The following PRUNE2 variants were observed in gnomAD, a reference collection of about 807,000 sequenced individuals.
The protein encoded by PRUNE2 is prune homolog 2 with BCH domain.
In PRUNE2, 164 loss-of-function variants were observed where a neutral mutation model predicts 252.0. The observed-to-expected ratio is 0.65, with a 90% CI of 0.57 to 0.74. The LOEUF is 0.74. PRUNE2 is among the 30% of genes least tolerant of loss of function. The pLI is 0.00. For synonymous variants in PRUNE2, 1,292 were observed against 1,350.2 expected, an observed-to-expected ratio of 0.96 and a Z score of 0.94; for missense variants, 3,495 against 3,711.0, an observed-to-expected ratio of 0.94 and a Z score of 1.51.
chr9:76,657,871 T>C (rs1849816193), intron 9 of PRUNE2, among the ~76,000 whole-genome samples: 1 of 152,186 alleles, frequency 6.6e-6, no homozygotes, highest in Non-Finnish European at 1.5e-5. Flanking sequence ...AGCCTAGAAA[T>C]GCTCCTCAAC....
chr9:76,709,163 A>G lies in PRUNE2; in HGVS notation c.3111T>C (p.His1037=). Residue 1037 remains histidine, a synonymous_variant, in exon 8 of 19, where the codon CAT becomes CAC. Coordinates refer to ENST00000376718, the MANE Select transcript of PRUNE2 (RefSeq NM_015225.3). ...TATTTATTTCAGAACTGTTATCTGT[A>G]TGAGGTGAAGCCCACATGTCTAGGT... ...PGNLDMWASP[H]TDNSSEINTT... 6.2e-7 allele frequency: 1 copy of G among 1,613,944 alleles called. No individual in the cohort carries two copies. The highest frequency in any genetic ancestry group is 8.5e-7 in the Non-Finnish European group (1 of 1,179,872).
At chr9:76,649,933 G>A (rs1276831095) in intron 11 of PRUNE2, among the ~76,000 whole-genome samples, 4 of 75,160 alleles carry the variant, frequency 5.3e-5, no homozygotes, top group South Asian at 5.7e-4. Flanking sequence ...GTAGAGTAAC[G>A]CTTACTTTTT....
At chr9:76,824,040 G>C (rs907941352) in intron 5 of PRUNE2, among the ~76,000 whole-genome samples, 1 of 152,150 alleles carries the variant, frequency 6.6e-6, no homozygotes, top group East Asian at 1.9e-4. Context: ...GACTAGCAAA[G>C]GGACCCAGAA....
intron 1 of PRUNE2, among the ~76,000 whole-genome samples, chr9:76,875,968 TGGGGCC>T (rs1266243760): frequency 7.2e-5 from 11 of 152,000 alleles, no homozygotes; most frequent in Non-Finnish European, 1.6e-4. Flanking sequence ...AGATCTGGAG[TGGGGCC>T]CAGTTATCTG....
chr9:76,854,189 T>C lies in PRUNE2; in HGVS notation c.56A>G (p.Glu19Gly). Reference protein sequence around the residue: ...KSKLNRSKRLEKVHVVIGPKS... With the variant: ...KSKLNRSKRLGKVHVVIGPKS... ...AGGCCCAATAACCACATGGACCTTC[T>C]CCAAGCGTTTGCTTCGATTCTGAAA... is the stretch of plus-strand genomic sequence containing the variant. The change falls in exon 2 of 19, where the codon GAG (glutamate) becomes GGG (glycine). Residue 19 changes from glutamate (E) to glycine (G), a missense_variant. Physicochemically the swap from Glu to Gly is moderately conservative, Grantham distance 98 (BLOSUM62 -2). Coordinates refer to ENST00000376718, the MANE Select transcript of PRUNE2 (RefSeq NM_015225.3). 1 of 1,593,768 alleles carries C rather than the reference T, an allele frequency of 6.3e-7. No individual in the cohort carries two copies. The highest frequency in any genetic ancestry group is 8.6e-7 in the Non-Finnish European group (1 of 1,167,402).
chr9:76,705,295 C>T lies in PRUNE2; in HGVS notation c.6979G>A (p.Gly2327Ser), dbSNP rs2046232489. The T allele has an allele frequency of 6.2e-7, 1 of 1,613,922 alleles. No homozygotes were observed. Among genetic ancestry groups the T allele is most frequent in the African/African-American group, 1.3e-5 (1 of 74,930 alleles). ...CCATCAACTGGCGTTTCCGGATGGCCTTCGGATAATGTCAGTTTACTCATG... is the reference window on the plus strand; with the variant it reads ...CCATCAACTGGCGTTTCCGGATGGCTTTCGGATAATGTCAGTTTACTCATG... ...DDMSKLTLSE[G>S]HPETPVDGDL... is the part of the protein sequence containing the mutation. Residue 2327 changes from glycine to serine, a missense_variant, in exon 8 of 19, where the codon GGC becomes AGC. By Grantham distance (56) the Gly-to-Ser change is moderately conservative. Transcript: ENST00000376718.
chr9:76,898,761 C>A (rs2062994298), intron 1 of PRUNE2, among the ~76,000 whole-genome samples: 1 of 152,112 alleles, frequency 6.6e-6, no homozygotes, highest in Non-Finnish European at 1.5e-5. Flanking sequence ...TTCTGGGAAG[C>A]CAAAGCAAGA....
rs2046264808 is a variant in PRUNE2 at position 76,705,735 on chromosome 9, G to A, written c.6539C>T (p.Ser2180Phe). The A allele has an allele frequency of 6.2e-7, 1 of 1,613,950 alleles. No individual in the cohort carries two copies. Among genetic ancestry groups the A allele is most frequent in the Non-Finnish European group, 8.5e-7 (1 of 1,179,852 alleles). ...PIGYQADIKG[S>F]SQPASHKGSP... is the part of the protein sequence containing the mutation. The stretch of plus-strand genomic sequence containing the variant: ...ACCTTTATGAGAGGCGGGCTGAGAG[G>A]AGCCCTTTATGTCTGCTTGATAGCC... Residue 2180 changes from serine to phenylalanine, a missense_variant, in exon 8 of 19, where the codon TCC becomes TTC. Physicochemically the swap from Ser to Phe is radical, Grantham distance 155 (BLOSUM62 -2). Transcript: ENST00000376718.
intron 6 of PRUNE2, among the ~76,000 whole-genome samples, chr9:76,802,915 A>ATGT (rs2056661244): frequency 6.6e-6 from 1 of 152,124 alleles, no homozygotes; most frequent in Admixed American, 6.5e-5. Flanking sequence ...TGACATCGAC[A>ATGT]CACTTTGTTG....
chr9:76,804,940 G>C (rs2056828983), intron 6 of PRUNE2, among the ~76,000 whole-genome samples: 1 of 152,062 alleles, frequency 6.6e-6, no homozygotes, highest in African/African-American at 2.4e-5. Flanking sequence ...TAATAAAATG[G>C]GCTGGATACA....
intron 4 of PRUNE2, among the ~76,000 whole-genome samples, chr9:76,837,455 A>ATAATAAT (rs1554798779): frequency 4.8e-5 from 3 of 62,502 alleles, no homozygotes; most frequent in African/African-American, 1.1e-4. Flanking sequence ...AATAATAATA[A>ATAATAAT]TAATAATAAT....
At chr9:76,625,756 T>C (rs1834408104) in intron 16 of PRUNE2, among the ~76,000 whole-genome samples, 1 of 152,190 alleles carries the variant, frequency 6.6e-6, no homozygotes, top group South Asian at 2.1e-4. Context: ...CCTGGCAATG[T>C]GTGAGGCTCT....
chr9:76,782,501 A>G (rs2054522636), intron 6 of PRUNE2, among the ~76,000 whole-genome samples: 1 of 152,232 alleles, frequency 6.6e-6, no homozygotes, highest in Non-Finnish European at 1.5e-5. Context: ...CAACTACAGC[A>G]TCTTCTTTAC....
At chr9:76,850,736 C>T in intron 2 of PRUNE2, 71 bp from the exon 3 acceptor site, 2 of 1,176,472 alleles carry the variant, frequency 1.7e-6, no homozygotes, top group Non-Finnish European at 1.3e-6. Flanking sequence ...TTTTCTCCAG[C>T]CTGGGGGTAA....
At position 76,839,408 on chromosome 9, in the gene PRUNE2, T is replaced by C. The variant is rs964104370; in HGVS notation, c.508+7107A>G. The stretch of plus-strand genomic sequence containing the variant: ...GGCAGAAAGAGAGATGACGAGATAC[T>C]ATAGATGAAACAAGCATTCCAGAAG... On this transcript the variant is annotated intron_variant, in intron 4 of 18. Coordinates refer to ENST00000376718, the MANE Select transcript of PRUNE2 (RefSeq NM_015225.3). Among the ~76,000 whole-genome samples the C allele has an allele frequency of 4.6e-5, 7 of 152,302 alleles. No homozygotes were observed. The East Asian group carries it at 9.6e-4, about 21-fold the overall frequency.
intron 6 of PRUNE2, among the ~76,000 whole-genome samples, chr9:76,776,037 T>A (rs1047473699): frequency 5.9e-5 from 9 of 152,232 alleles, no homozygotes; most frequent in Admixed American, 5.9e-4. Context: ...CTTCTAAGCA[T>A]CCCTTCTTTA....
intron 1 of PRUNE2, among the ~76,000 whole-genome samples, chr9:76,902,243 C>T (rs1346184800): frequency 6.6e-6 from 1 of 152,182 alleles, no homozygotes; most frequent in African/African-American, 2.4e-5. Flanking sequence ...GAGCTGACCA[C>T]TATGAAGTTG....
intron 4 of PRUNE2, among the ~76,000 whole-genome samples, chr9:76,833,190 A>G (rs1336950690): frequency 6.6e-6 from 1 of 152,220 alleles, no homozygotes; most frequent in Non-Finnish European, 1.5e-5. Flanking sequence ...AACTAATACT[A>G]GTTTTTAAAA....
At chr9:76,771,529 A>G (rs615037) in intron 6 of PRUNE2, among the ~76,000 whole-genome samples, 72,435 of 151,968 alleles carry the variant, frequency 0.48, 17,673 homozygotes, top group East Asian at 0.67. Context: ...GACTACGGTG[A>G]GTCGGGGGTC....
Sources: gnomAD v4.1 joint callset for allele counts (sites outside exome capture counted in the v4.1 genomes callset) on GRCh38, gnomAD v4.1.1 for gene constraint, MANE v1.5 for transcripts, NCBI Gene and HGNC (gene_info 2026-07-23, HGNC 2026-07-21) for gene names.